IGF2BP1: variants seen among roughly 807,000 people sequenced by gnomAD.
The protein encoded by IGF2BP1 is insulin-like growth factor 2 mRNA-binding protein 1.
In IGF2BP1, 11 loss-of-function variants were observed where a neutral mutation model predicts 74.9. The observed-to-expected ratio is 0.15, with a 90% CI of 0.09 to 0.24. The LOEUF (loss-of-function observed/expected upper bound fraction) is 0.24. Among genes scored for constraint, IGF2BP1 ranks in the 10% least tolerant of loss-of-function variants. IGF2BP1 has a pLI of 1.00. For missense variants in IGF2BP1, 440 were observed against 757.4 expected (o/e 0.58, Z 4.92); for synonymous variants, 287 against 281.8 (o/e 1.02, Z -0.18).
At chr17:49,016,303 C>G (rs907007362) in intron 2 of IGF2BP1, among the ~76,000 whole-genome samples, 6 of 152,232 alleles carry the variant, frequency 3.9e-5, no homozygotes, top group African/African-American at 1.2e-4. Flanking sequence ...AGCATCCTCT[C>G]AGGCTTCAGA....
rs939546554 is a variant in IGF2BP1, at chr17:49,054,990, C to G, written c.*5546C>G. 2.4e-5 allele frequency: 3 copies of G among 122,716 alleles called. No individual in the cohort carries two copies. Among genetic ancestry groups the G allele is most frequent in the African/African-American group, 9.4e-5 (3 of 32,046 alleles). The allele number at this position is 122,716 out of a possible 1,614,324, so 7.6% of individuals were successfully genotyped here. A position where few individuals can be genotyped will look rare whatever the true frequency, so the allele number is the denominator to read the frequency against. On this transcript the variant is annotated 3_prime_UTR_variant, in exon 15 of 15. Coordinates refer to ENST00000290341, the MANE Select transcript of IGF2BP1 (RefSeq NM_006546.4). ...CCTCTAATGGACCTCCTCATAGAAG[C>G]CCCATTTCACTTTTGTTTTATCTAC...
chr17:49,036,808 G>T (rs2041994976), intron 5 of IGF2BP1: 1 of 154,054 alleles, frequency 6.5e-6, no homozygotes, highest in African/African-American at 2.4e-5. Context: ...AATTAGCGGG[G>T]CATGGTGGCG....
intron 5 of IGF2BP1, among the ~76,000 whole-genome samples, chr17:49,034,789 A>C (rs965901011): frequency 6.6e-6 from 1 of 151,248 alleles, no homozygotes; most frequent in Non-Finnish European, 1.5e-5. Flanking sequence ...AACCAAAAAC[A>C]CAAAACTTTT....
chr17:49,046,874 A>G (rs895163490), intron 14 of IGF2BP1, among the ~76,000 whole-genome samples: 1 of 151,858 alleles, frequency 6.6e-6, no homozygotes, highest in Non-Finnish European at 1.5e-5. Flanking sequence ...CTTTCCCAGA[A>G]CTCATCATTG....
At chr17:49,032,506 G>A (rs2041936151) in intron 5 of IGF2BP1, among the ~76,000 whole-genome samples, 1 of 152,126 alleles carries the variant, frequency 6.6e-6, no homozygotes, top group Non-Finnish European at 1.5e-5. Context: ...CTTTGATTGA[G>A]CAATTATGCG....
chr17:49,041,295 TG>T (rs34986784), intron 7 of IGF2BP1, 82 bp from the exon 8 acceptor site: 1 of 1,499,578 alleles, frequency 6.7e-7, no homozygotes, highest in Non-Finnish European at 9.1e-7. Context: ...ATGCCAAGTC[TG>T]GGGTGGCATG....
At chr17:49,044,231 T>A in intron 11 of IGF2BP1, 145 bp downstream of exon 11, 1 of 1,233,930 alleles carries the variant, frequency 8.1e-7, no homozygotes, top group Non-Finnish European at 1.1e-6. Flanking sequence ...ATCGAAGTCC[T>A]CTTTGTTTTT....
chr17:49,024,142 G>T (rs2041825262), intron 2 of IGF2BP1, among the ~76,000 whole-genome samples: 2 of 145,330 alleles, frequency 1.4e-5, no homozygotes, highest in African/African-American at 5.1e-5. Flanking sequence ...TGTTGGCCAG[G>T]CTGGTCTCCA....
At position 48,998,051 on chromosome 17, in the gene IGF2BP1, T is replaced by A. The variant is rs949272986; in HGVS notation, c.175+131T>A. 68 of 922,774 alleles carry A rather than the reference T, an allele frequency of 7.4e-5. No homozygotes were observed. The Middle Eastern group carries it at 1.4e-3, about 19-fold the overall frequency. The allele number at this position is 922,774 out of a possible 1,614,324, so 57.2% of individuals were successfully genotyped here. A position where few individuals can be genotyped will look rare whatever the true frequency, so the allele number is the denominator to read the frequency against. On this transcript the variant is annotated intron_variant, in intron 1 of 14. Coordinates refer to ENST00000290341, the MANE Select transcript of IGF2BP1 (RefSeq NM_006546.4). ...CGGGGTTTGGCCTCCGTACCCACCCTCGACCTACCCCCTTCGATGCCCCCT... is the reference window on the plus strand; with the variant it reads ...CGGGGTTTGGCCTCCGTACCCACCCACGACCTACCCCCTTCGATGCCCCCT...
rs139802317 is a variant in IGF2BP1 at position 49,048,399 on chromosome 17, C to T, written c.1642-953C>T. Among the ~76,000 whole-genome samples, 1,265 of 151,848 alleles carry T rather than the reference C, an allele frequency of 8.3e-3. 9 individuals are homozygous for T. The highest frequency in any genetic ancestry group is 0.031 in the Middle Eastern group (9 of 294). On this transcript the variant is annotated intron_variant, in intron 14 of 14. Coordinates refer to ENST00000290341, the MANE Select transcript of IGF2BP1 (RefSeq NM_006546.4). ...ACTCAAGTAGCTGGGATTACAGGCGCACGTCACCACGCTCGGCTAATTTTT... is the reference window on the plus strand; with the variant it reads ...ACTCAAGTAGCTGGGATTACAGGCGTACGTCACCACGCTCGGCTAATTTTT...
Position 48,997,509 on chromosome 17 carries a change from C to A in IGF2BP1, c.-237C>A, listed in dbSNP as rs2041420794. 2.0e-6 allele frequency: 1 copy of A among 503,460 alleles called. No homozygotes were observed. The highest frequency in any genetic ancestry group is 2.7e-5 in the South Asian group (1 of 36,700). The allele number at this position is 503,460 out of a possible 1,614,324, so 31.2% of individuals were successfully genotyped here. A position where few individuals can be genotyped will look rare whatever the true frequency, so the allele number is the denominator to read the frequency against. ...AGGGAAGAAGCTGCGCCGTGTCGTCCGTCTCCCTGCGCGCCGCGGGCACTT... is the reference window on the plus strand; with the variant it reads ...AGGGAAGAAGCTGCGCCGTGTCGTCAGTCTCCCTGCGCGCCGCGGGCACTT... On this transcript the variant is annotated 5_prime_UTR_variant, in exon 1 of 15. Transcript: ENST00000290341. The surrounding 1 kb of genome is among the most constrained non-coding windows in gnomAD (Gnocchi z 4.8).
rs191565625 is a variant in IGF2BP1 at position 49,024,677 on chromosome 17, T to G, written c.237-941T>G. On this transcript the variant is annotated intron_variant, in intron 2 of 14. Transcript: ENST00000290341. Reference sequence around the variant, plus strand: ...TTAAACAATCTTGTAAAGGTCAGTATTAGTAAGTGGAGCATAGGTTTAAAT... The same window carrying G: ...TTAAACAATCTTGTAAAGGTCAGTAGTAGTAAGTGGAGCATAGGTTTAAAT... Among the ~76,000 whole-genome samples the G allele has an allele frequency of 7.9e-5, 12 of 152,322 alleles. No homozygotes were observed. The East Asian group carries it at 2.3e-3, about 29-fold the overall frequency.
chr17:49,024,958 G>A (rs983880529), intron 2 of IGF2BP1, among the ~76,000 whole-genome samples: 6 of 152,144 alleles, frequency 3.9e-5, no homozygotes, highest in African/African-American at 1.2e-4. Flanking sequence ...TTGGGAGGCC[G>A]AGGTGGGCAG....
chr17:49,020,004 A>C (rs1291432861), intron 2 of IGF2BP1, among the ~76,000 whole-genome samples: 4 of 96,564 alleles, frequency 4.1e-5, no homozygotes, highest in East Asian at 3.0e-4. Flanking sequence ...ATACACACAC[A>C]CACACATATA....
intron 10 of IGF2BP1, among the ~76,000 whole-genome samples, 170 bp from the exon 11 acceptor site, chr17:49,043,797 G>A (rs1033850654): frequency 6.6e-6 from 1 of 152,180 alleles, no homozygotes; most frequent in Non-Finnish European, 1.5e-5. Context: ...CTTCCCTTTA[G>A]CCCTACTGGG....
At chr17:49,017,843 C>G (rs1180226613) in intron 2 of IGF2BP1, 1 of 152,110 alleles carries the variant, frequency 6.6e-6, no homozygotes, top group Non-Finnish European at 1.5e-5. Flanking sequence ...CTTCTGACCT[C>G]AGGTGATCCA....
intron 5 of IGF2BP1, 111 bp from the exon 6 acceptor site, chr17:49,038,057 T>C: frequency 1.0e-6 from 1 of 1,001,156 alleles, no homozygotes; most frequent in Non-Finnish European, 1.4e-6. Flanking sequence ...GACTATCTCC[T>C]TTTCTTTAGT....
intron 2 of IGF2BP1, among the ~76,000 whole-genome samples, chr17:49,024,447 A>G (rs1177690859): frequency 2.0e-5 from 3 of 152,086 alleles, no homozygotes; most frequent in African/African-American, 7.2e-5. Context: ...TGGAAAGAAG[A>G]CAGTACTGTA....
At chr17:49,040,786 G>C (rs1240527159) in intron 7 of IGF2BP1, among the ~76,000 whole-genome samples, 1 of 152,202 alleles carries the variant, frequency 6.6e-6, no homozygotes, top group Non-Finnish European at 1.5e-5. Context: ...GCTATTCATA[G>C]TTCATGTAAT....
Sources: allele counts gnomAD v4.1 joint callset (sites outside exome capture counted in the v4.1 genomes callset), GRCh38; gene constraint gnomAD v4.1.1; non-coding constraint Gnocchi (gnomAD v3.1); transcripts MANE v1.5; gene names NCBI Gene and HGNC (gene_info 2026-07-23, HGNC 2026-07-21).